Variants in EML6 observed in about 807,000 individuals in gnomAD.
EML6 encodes the protein echinoderm microtubule-associated protein-like 6.
A neutral mutation model predicts 240.1 loss-of-function variants in EML6; 154 were observed. The ratio of observed to expected loss-of-function variants is 0.64; its 90% CI spans 0.56 to 0.73. The LOEUF is 0.73. Among genes scored for constraint, EML6 ranks in the 30% least tolerant of loss-of-function variants. EML6 has a pLI of 0.00. For synonymous variants in EML6, 1,148 were observed against 899.0 expected, an observed-to-expected ratio of 1.28 and a Z score of -4.95; for missense variants, 2,964 against 2,474.6, an observed-to-expected ratio of 1.20 and a Z score of -4.20.
intron 5 of EML6, among the ~76,000 whole-genome samples, chr2:54,824,903 C>G (rs1668514087): frequency 6.6e-6 from 1 of 152,280 alleles, no homozygotes; most frequent in South Asian, 2.1e-4. Flanking sequence ...TGTTGCTACC[C>G]TAAACTGCCA....
At chr2:54,781,217 A>C (rs1668841468) in intron 2 of EML6, among the ~76,000 whole-genome samples, 1 of 152,202 alleles carries the variant, frequency 6.6e-6, no homozygotes, top group Non-Finnish European at 1.5e-5. Flanking sequence ...ACACACAGCT[A>C]GTGAGTGGCA....
chr2:54,752,014 A>T (rs1197376182), intron 2 of EML6, among the ~76,000 whole-genome samples: 2 of 152,148 alleles, frequency 1.3e-5, no homozygotes, highest in East Asian at 3.8e-4. Flanking sequence ...TAGGCTTCCA[A>T]AACTTTCTTC....
chr2:54,796,492 G>GT (rs139445612), intron 2 of EML6, among the ~76,000 whole-genome samples: 9,353 of 148,978 alleles, frequency 0.063, 923 homozygotes, highest in African/African-American at 0.21. Flanking sequence ...GTTTTGGTAA[G>GT]TTTTTTTTTT....
intron 17 of EML6, chr2:54,882,871 A>AAG (rs1671903687): frequency 7.8e-6 from 1 of 128,790 alleles, no homozygotes; most frequent in African/African-American, 3.0e-5. Context: ...AAAAAAAAAA[A>AAG]AAAGAAAGCT....
At chr2:54,886,077 C>T (rs543321351) in intron 17 of EML6, among the ~76,000 whole-genome samples, 57 of 150,984 alleles carry the variant, frequency 3.8e-4, no homozygotes, top group Middle Eastern at 3.5e-3. Context: ...CATAATGAAC[C>T]TTCTGTACCC....
rs147544861 is a variant in EML6 at position 54,794,779 on chromosome 2, G to A, written c.198-18453G>A. On this transcript the variant is annotated intron_variant, in intron 2 of 41. Coordinates refer to ENST00000356458, the MANE Select transcript of EML6 (RefSeq NM_001039753.4). ...GCTTACAAAAATTGTACGACATTAC[G>A]CTTACGTGACAAGTGTAATACAGTT... 3.9e-5 allele frequency among the ~76,000 whole-genome samples: 6 copies of A among 152,230 alleles called. No individual in the cohort carries two copies. The East Asian group carries it at 5.8e-4, about 15-fold the overall frequency.
chr2:54,766,696 A>C (rs1668200721), intron 2 of EML6, among the ~76,000 whole-genome samples: 1 of 152,164 alleles, frequency 6.6e-6, no homozygotes, highest in Non-Finnish European at 1.5e-5. Flanking sequence ...GTTTCTAATC[A>C]AACTTTCACA....
intron 9 of EML6, 61 bp downstream of exon 9, chr2:54,847,684 C>G (rs1052904575): frequency 5.9e-6 from 9 of 1,531,674 alleles, no homozygotes; most frequent in African/African-American, 2.7e-5. Context: ...TTACAATTTT[C>G]CTGGTCATAA....
At chr2:54,869,113 T>C in intron 14 of EML6, 68 bp from the exon 15 acceptor site, 1 of 1,071,676 alleles carries the variant, frequency 9.3e-7, no homozygotes, top group Non-Finnish European at 1.3e-6. Flanking sequence ...GCCTTGCCTC[T>C]GACACCTCCT....
chr2:54,834,265 A>T (rs889298958), intron 7 of EML6, among the ~76,000 whole-genome samples: 2 of 152,172 alleles, frequency 1.3e-5, no homozygotes, highest in Non-Finnish European at 2.9e-5. Flanking sequence ...ACCAAACTTC[A>T]CAACAGTGCA....
chr2:54,923,367 G>GCACGCACACACA (rs1553416852), intron 26 of EML6, among the ~76,000 whole-genome samples: 3 of 144,364 alleles, frequency 2.1e-5, no homozygotes, highest in African/African-American at 5.1e-5. Flanking sequence ...CTCACCAAAC[G>GCACGCACACACA]CACACACACA....
intron 26 of EML6, among the ~76,000 whole-genome samples, chr2:54,920,042 GTAATT>G (rs1393215399): frequency 6.6e-6 from 1 of 152,112 alleles, no homozygotes; most frequent in Non-Finnish European, 1.5e-5. Context: ...CCTAAATTCT[GTAATT>G]TAAAGTAAAC....
intron 2 of EML6, among the ~76,000 whole-genome samples, chr2:54,777,165 G>A (rs1668639002): frequency 6.6e-6 from 1 of 152,082 alleles, no homozygotes; most frequent in African/African-American, 2.4e-5. Flanking sequence ...CTCACAGAAG[G>A]AAGTCTGCTA....
At chr2:54,821,509 T>A (rs1234365159) in intron 5 of EML6, among the ~76,000 whole-genome samples, 1 of 152,154 alleles carries the variant, frequency 6.6e-6, no homozygotes, top group Non-Finnish European at 1.5e-5. Context: ...CTATTACTTT[T>A]GTTTTTACCT....
chr2:54,902,730 C>T (rs771523766), intron 22 of EML6, among the ~76,000 whole-genome samples: 34 of 152,192 alleles, frequency 2.2e-4, no homozygotes, highest in Admixed American at 7.2e-4. Context: ...GGGTGGGTTT[C>T]GCCTCTACAA....
intron 7 of EML6, among the ~76,000 whole-genome samples, chr2:54,839,569 C>A (rs751826015): frequency 6.6e-6 from 1 of 152,250 alleles, no homozygotes. Context: ...TTGTTCTCTT[C>A]CCTTCCACCC....
At chr2:54,888,215 T>C (rs1010319114) in intron 17 of EML6, among the ~76,000 whole-genome samples, 6 of 152,202 alleles carry the variant, frequency 3.9e-5, no homozygotes, top group Non-Finnish European at 4.4e-5. Context: ...TTGGATCTTA[T>C]AATGCAGTGT....
Position 54,845,641 on chromosome 2 carries a change from G to C in EML6, c.1049+1393G>C, listed in dbSNP as rs1016832659. On this transcript the variant is annotated intron_variant, in intron 8 of 41. Transcript: ENST00000356458. ...GATGGTTTCTTTACTAGTAAAGCAA[G>C]GGTTACATTGCTTAAAATAGTACAA... Among the ~76,000 whole-genome samples the C allele has an allele frequency of 5.9e-5, 9 of 152,206 alleles. No homozygotes were observed. In the East Asian group the frequency reaches 1.7e-3, roughly 29 times the overall value.
At chr2:54,780,396 T>C (rs899527094) in intron 2 of EML6, among the ~76,000 whole-genome samples, 4 of 152,232 alleles carry the variant, frequency 2.6e-5, no homozygotes, top group Admixed American at 2.6e-4. Flanking sequence ...TAGACTTGCA[T>C]AGATAGATAG....
Sources: allele counts gnomAD v4.1 joint callset (sites outside exome capture counted in the v4.1 genomes callset), GRCh38; gene constraint gnomAD v4.1.1; transcripts MANE v1.5; gene names NCBI Gene and HGNC (gene_info 2026-07-23, HGNC 2026-07-21).